The following PDE3B variants were observed in gnomAD, a reference collection of about 807,000 sequenced individuals.
PDE3B encodes the protein cGMP-inhibited 3',5'-cyclic phosphodiesterase 3B.
Under a neutral mutation model 116.8 loss-of-function variants are expected in PDE3B, and 66 were observed. The observed-to-expected ratio is 0.56, with a 90% confidence interval of 0.46 to 0.69. PDE3B has a LOEUF of 0.69. PDE3B is among the 30% of genes least tolerant of loss of function. PDE3B has a pLI of 0.00. For missense variants in PDE3B, 1,384 were observed against 1,368.1 expected, an observed-to-expected ratio of 1.01 and a Z score of -0.18; for synonymous variants, 595 against 533.6, an observed-to-expected ratio of 1.12 and a Z score of -1.59.
At chr11:14,681,630 G>A (rs1854712298) in intron 1 of PDE3B, among the ~76,000 whole-genome samples, 1 of 152,166 alleles carries the variant, frequency 6.6e-6, no homozygotes, top group Admixed American at 6.5e-5. Context: ...TACCATCATA[G>A]GTTGAGGACT....
intron 1 of PDE3B, among the ~76,000 whole-genome samples, chr11:14,738,417 C>A (rs940162145): frequency 6.6e-6 from 1 of 152,154 alleles, no homozygotes; most frequent in South Asian, 2.1e-4. Context: ...TAAATGTCTT[C>A]TTTTGAGAAG....
At chr11:14,794,527 T>C (rs1858490265) in intron 4 of PDE3B, among the ~76,000 whole-genome samples, 1 of 152,172 alleles carries the variant, frequency 6.6e-6, no homozygotes, top group Admixed American at 6.5e-5. Flanking sequence ...TTGGCCAGGC[T>C]GGTCTCGAAC....
chr11:14,749,527 G>A (rs1328140819), intron 1 of PDE3B, among the ~76,000 whole-genome samples: 2 of 152,014 alleles, frequency 1.3e-5, no homozygotes, highest in African/African-American at 2.4e-5. Flanking sequence ...TACACAGAAC[G>A]GTTTAAGCAG....
At chr11:14,723,556 C>G (rs758995063) in intron 1 of PDE3B, among the ~76,000 whole-genome samples, 1 of 151,882 alleles carries the variant, frequency 6.6e-6, no homozygotes, top group South Asian at 2.1e-4. Context: ...GAGTTTGAGA[C>G]CAGCCTGGGC....
chr11:14,673,805 G>A, intron 1 of PDE3B: 1 of 870,866 alleles, frequency 1.1e-6, no homozygotes, highest in Admixed American at 1.7e-5. Flanking sequence ...TGGGTGCCTT[G>A]GGGTGATCTG....
At chr11:14,654,078 A>G (rs1351861970) in intron 1 of PDE3B, among the ~76,000 whole-genome samples, 1 of 152,140 alleles carries the variant, frequency 6.6e-6, no homozygotes. Context: ...GAAGTAAAGT[A>G]TAACTTGGAC....
intron 7 of PDE3B, among the ~76,000 whole-genome samples, chr11:14,830,117 C>T (rs1449428803): frequency 2.6e-5 from 4 of 151,928 alleles, no homozygotes; most frequent in Non-Finnish European, 4.4e-5. Context: ...ATTCTACTGT[C>T]GATAGGTTTT....
the PDE3B span, among the ~76,000 whole-genome samples, chr11:14,893,019 A>T: frequency 6.6e-6 from 1 of 152,222 alleles, no homozygotes; most frequent in Non-Finnish European, 1.5e-5. Context: ...CTTGCAATAC[A>T]GGACTTACTG....
intron 1 of PDE3B, among the ~76,000 whole-genome samples, chr11:14,666,793 G>A (rs1426422668): frequency 2.0e-5 from 3 of 152,194 alleles, no homozygotes; most frequent in South Asian, 2.1e-4. Context: ...CACAGGTGCT[G>A]GAGAGGATGT....
Position 14,771,923 on chromosome 11 carries a change from A to ATT in PDE3B, c.979-6_979-5dup. 2.4e-6 allele frequency: 3 copies of ATT among 1,259,722 alleles called. No homozygotes were observed. Among genetic ancestry groups the ATT allele is most frequent in the Non-Finnish European group, 3.2e-6 (3 of 936,938 alleles). 78.0% of individuals were successfully genotyped at this position (1,259,722 alleles called of 1,614,324 possible). A position where few individuals can be genotyped will look rare whatever the true frequency, so the allele number is the denominator to read the frequency against. Reference sequence around the variant, plus strand: ...TTATTTTTGGTTTGTAACCAAGTGAATTTTTTTTTCTAGATGATTCTTTGG... The same window carrying ATT: ...TTATTTTTGGTTTGTAACCAAGTGAATTTTTTTTTTTCTAGATGATTCTTTGG... On this transcript the variant is annotated splice_polypyrimidine_tract_variant and intron_variant, in intron 1 of 15. Coordinates refer to ENST00000282096, the MANE Select transcript of PDE3B (RefSeq NM_000922.4).
chr11:14,715,437 G>C (rs563962959), intron 1 of PDE3B, among the ~76,000 whole-genome samples: 1 of 152,154 alleles, frequency 6.6e-6, no homozygotes, highest in African/African-American at 2.4e-5. Flanking sequence ...TTATTTCCTT[G>C]AGCAGTGGTT....
intron 2 of PDE3B, among the ~76,000 whole-genome samples, chr11:14,780,962 T>C (rs1857975976): frequency 6.6e-6 from 1 of 152,050 alleles, no homozygotes; most frequent in Non-Finnish European, 1.5e-5. Flanking sequence ...ATAGACGTAA[T>C]GAAAAATGAT....
chr11:14,790,496 T>A (rs905669146), intron 4 of PDE3B, among the ~76,000 whole-genome samples: 1 of 152,106 alleles, frequency 6.6e-6, no homozygotes, highest in African/African-American at 2.4e-5. Context: ...CATACTGATG[T>A]AACAGCAATG....
intron 1 of PDE3B, among the ~76,000 whole-genome samples, chr11:14,699,584 T>A (rs1855304541): frequency 6.6e-6 from 1 of 151,892 alleles, no homozygotes; most frequent in South Asian, 2.1e-4. Flanking sequence ...CATTTTTTTC[T>A]TGAAGATTTT....
chr11:14,729,526 G>A (rs1392189182), intron 1 of PDE3B, among the ~76,000 whole-genome samples: 1 of 151,898 alleles, frequency 6.6e-6, no homozygotes, highest in Non-Finnish European at 1.5e-5. Context: ...ATCCCCTCTT[G>A]GTTACAGAAA....
intron 14 of PDE3B, among the ~76,000 whole-genome samples, chr11:14,865,581 A>T (rs1555007918): frequency 2.0e-5 from 3 of 152,208 alleles, no homozygotes; most frequent in African/African-American, 7.2e-5. Flanking sequence ...TGCTGTTTAT[A>T]AGTTACAAAA....
intron 1 of PDE3B, among the ~76,000 whole-genome samples, chr11:14,656,448 G>A (rs775273788): frequency 6.6e-6 from 1 of 152,114 alleles, no homozygotes; most frequent in Non-Finnish European, 1.5e-5. Flanking sequence ...AACCTTTAGT[G>A]AAGAAAAGAA....
chr11:14,882,076 C>A, the PDE3B span, among the ~76,000 whole-genome samples: 1 of 152,008 alleles, frequency 6.6e-6, no homozygotes, highest in Non-Finnish European at 1.5e-5. Context: ...ATCTTACATT[C>A]CCATAGTCCA....
chr11:14,665,852 A>G (rs1237500251), intron 1 of PDE3B, among the ~76,000 whole-genome samples: 1 of 152,142 alleles, frequency 6.6e-6, no homozygotes, highest in East Asian at 1.9e-4. Context: ...AAATGGCCAT[A>G]CTGCCCAAGG....
Sources: allele counts gnomAD v4.1 joint callset (sites outside exome capture counted in the v4.1 genomes callset), GRCh38; gene constraint gnomAD v4.1.1; transcripts MANE v1.5; gene names NCBI Gene and HGNC (gene_info 2026-07-23, HGNC 2026-07-21).